Variants in DYM observed in about 807,000 individuals in gnomAD.
DYM encodes dyggve-Melchior-Clausen syndrome protein.
A neutral mutation model predicts 93.1 loss-of-function variants in DYM; 78 were observed. The ratio of observed to expected loss-of-function variants is 0.84; its 90% confidence interval spans 0.70 to 1.01. The LOEUF is 1.01. DYM is among the 50% of genes least tolerant of loss of function. The pLI is 0.00. For missense variants in DYM, 789 were observed against 845.0 expected (o/e 0.93, Z 0.82); for synonymous variants, 321 against 319.7 (o/e 1.00, Z -0.04).
At chr18:49,422,494 G>C (rs187576542) in intron 2 of DYM, among the ~76,000 whole-genome samples, 69 of 151,996 alleles carry the variant, frequency 4.5e-4, no homozygotes, top group Non-Finnish European at 5.1e-4. Context: ...TCAACTAAAG[G>C]GCAAAATAAC....
In DYM at chr18:49,286,493, T is replaced by C. The variant is rs772195950; in HGVS notation, c.887A>G (p.Asp296Gly). The C allele has an allele frequency of 6.2e-7, 1 of 1,614,140 alleles. No homozygotes were observed. The highest frequency in any genetic ancestry group is 1.1e-5 in the South Asian group (1 of 91,084). Residue 296 changes from aspartate (D) to glycine (G), a missense_variant, in exon 9 of 18, where the codon GAT (aspartate) becomes GGT (glycine). Coordinates refer to ENST00000675505, the MANE Select transcript of DYM (RefSeq NM_001353214.3). ...GTAGGGGTTTGGCGCATCTGAGGCA[T>C]CTGTCAGATTGGCCAACACCAGCAG... ...LLLLVLANLT[D>G]ASDAPNPYRQ...
In DYM at chr18:49,043,933, G is replaced by T. The variant is rs2071126212; in HGVS notation, c.*122C>A. ...CAAAGTGTGTGAGGAAAACACACTC[G>T]TGCAATCCTCTTTAACAGAAGATAC... is the stretch of plus-strand genomic sequence containing the variant. On this transcript the variant is annotated 3_prime_UTR_variant, in exon 18 of 18. Coordinates refer to ENST00000675505, the MANE Select transcript of DYM (RefSeq NM_001353214.3). 1.1e-5 allele frequency: 13 copies of T among 1,203,702 alleles called. No homozygotes were observed. In the South Asian group the frequency reaches 1.7e-4, roughly 16 times the overall value. The allele number at this position is 1,203,702 out of a possible 1,614,324, so 74.6% of individuals were successfully genotyped here.
At chr18:49,281,541 T>C (rs1174314039) in intron 10 of DYM, among the ~76,000 whole-genome samples, 1 of 152,160 alleles carries the variant, frequency 6.6e-6, no homozygotes, top group Non-Finnish European at 1.5e-5. Context: ...CAGCAAAGAC[T>C]TGGAACCAAG....
At chr18:49,375,697 A>G (rs4939864) in intron 5 of DYM, 143,108 of 152,320 alleles carry the variant, frequency 0.94, 67,307 homozygotes, top group East Asian at 1. Context: ...TCGGATTGAA[A>G]GATGCAAAGT....
At chr18:49,056,061 G>C (rs2144518935) in intron 17 of DYM, among the ~76,000 whole-genome samples, 1 of 152,292 alleles carries the variant, frequency 6.6e-6, no homozygotes, top group South Asian at 2.1e-4. Context: ...GTAATGAGGG[G>C]GCTGGGGGAG....
intron 15 of DYM, among the ~76,000 whole-genome samples, chr18:49,158,841 G>C (rs894810663): frequency 2.6e-5 from 4 of 152,072 alleles, no homozygotes; most frequent in African/African-American, 9.7e-5. Flanking sequence ...TTTGATAATA[G>C]CACAACAGGG....
intron 8 of DYM, among the ~76,000 whole-genome samples, chr18:49,308,493 A>G (rs778337782): frequency 1.3e-5 from 2 of 152,172 alleles, no homozygotes; most frequent in Non-Finnish European, 2.9e-5. Context: ...ACATGATTTT[A>G]AAGTCCAGTC....
intron 14 of DYM, among the ~76,000 whole-genome samples, chr18:49,195,993 G>A (rs143872362): frequency 0.012 from 1,536 of 131,370 alleles, 38 homozygotes; most frequent in South Asian, 0.079. Flanking sequence ...GTGCGATCTC[G>A]GCTCACTGCA....
At chr18:49,125,939 T>G (rs751754045) in intron 15 of DYM, among the ~76,000 whole-genome samples, 23 of 152,228 alleles carry the variant, frequency 1.5e-4, no homozygotes, top group Non-Finnish European at 3.2e-4. Flanking sequence ...CAACCTCAAG[T>G]GTCCCTCAAT....
intron 2 of DYM, among the ~76,000 whole-genome samples, chr18:49,422,767 C>T (rs2073863776): frequency 6.6e-6 from 1 of 152,162 alleles, no homozygotes; most frequent in African/African-American, 2.4e-5. Flanking sequence ...ATAAAACAGA[C>T]TTTAAACTAA....
chr18:49,412,853 T>C (rs1306130364), intron 2 of DYM: 1 of 152,186 alleles, frequency 6.6e-6, no homozygotes. Context: ...TTCCTGTGTG[T>C]CAACTGAGGA....
rs1041302400 is a variant in DYM, at chr18:49,042,472, T to C, written c.*1583A>G. ...GTGTGGAGCCCACACAGTGGTGCAC[T>C]GAGAGGCTGCCAGTGTTTTGACCTT... is the stretch of plus-strand genomic sequence containing the variant. On this transcript the variant is annotated 3_prime_UTR_variant, in exon 18 of 18. Transcript: ENST00000675505. The C allele has an allele frequency of 1.3e-5, 2 of 152,272 alleles. No individual in the cohort carries two copies. Among genetic ancestry groups the C allele is most frequent in the Admixed American group, 6.5e-5 (1 of 15,276 alleles). 9.4% of individuals were successfully genotyped at this position (152,272 alleles called of 1,614,324 possible).
At chr18:49,253,375 C>A (rs968003985) in intron 13 of DYM, among the ~76,000 whole-genome samples, 2 of 152,272 alleles carry the variant, frequency 1.3e-5, no homozygotes, top group South Asian at 4.2e-4. Flanking sequence ...CATTTCTATA[C>A]CCTAAACACA....
chr18:49,142,263 T>G (rs2084598292), intron 15 of DYM, among the ~76,000 whole-genome samples: 1 of 152,162 alleles, frequency 6.6e-6, no homozygotes, highest in Non-Finnish European at 1.5e-5. Context: ...TAATTAATTA[T>G]AGCAAATTAA....
At chr18:49,232,603 C>CTTTTT (rs777802663) in intron 13 of DYM, among the ~76,000 whole-genome samples, 1 of 94,374 alleles carries the variant, frequency 1.1e-5, no homozygotes, top group African/African-American at 3.7e-5. Flanking sequence ...TGCCCGGCCT[C>CTTTTT]TTTTTTTTTT....
At chr18:49,298,478 G>A (rs1469460420) in intron 8 of DYM, among the ~76,000 whole-genome samples, 2 of 151,930 alleles carry the variant, frequency 1.3e-5, no homozygotes, top group African/African-American at 2.4e-5. Context: ...CTACTCAGGA[G>A]GCTGAGACAG....
At chr18:49,321,454 G>C in intron 8 of DYM, 1 of 397,474 alleles carries the variant, frequency 2.5e-6, no homozygotes, top group Non-Finnish European at 4.4e-6. Context: ...TTTAAAAGTG[G>C]TTGTCAGCAA....
intron 2 of DYM, among the ~76,000 whole-genome samples, chr18:49,412,236 T>TAAAAA (rs67065136): frequency 5.2e-5 from 7 of 135,096 alleles, no homozygotes; most frequent in Non-Finnish European, 9.4e-5. Flanking sequence ...AACATTGACT[T>TAAAAA]AAAAAAAAAA....
At chr18:49,147,577 A>C (rs2085304882) in intron 15 of DYM, among the ~76,000 whole-genome samples, 1 of 152,134 alleles carries the variant, frequency 6.6e-6, no homozygotes, top group Non-Finnish European at 1.5e-5. Flanking sequence ...ATGCAGCCAA[A>C]AGACACATGA....
Sources: gnomAD v4.1 joint callset for allele counts (sites outside exome capture counted in the v4.1 genomes callset) on GRCh38, gnomAD v4.1.1 for gene constraint, MANE v1.5 for transcripts, NCBI Gene and HGNC (gene_info 2026-07-23, HGNC 2026-07-21) for gene names.